Variants in SCOC observed in about 807,000 individuals in gnomAD.
SCOC encodes short coiled coil protein.
In SCOC, 7 loss-of-function variants were observed where a neutral mutation model predicts 9.9. That is an observed-to-expected ratio of 0.71 (90% CI 0.40 to 1.33). The LOEUF (loss-of-function observed/expected upper bound fraction) is 1.33. Ranked by LOEUF, SCOC falls within the 40% of genes most tolerant of loss-of-function variation. The pLI, the probability that SCOC is intolerant of heterozygous loss-of-function variation, is 0.01. For synonymous variants in SCOC, 19 were observed against 28.2 expected (o/e 0.67, Z 1.03); for missense variants, 66 against 89.7 (o/e 0.74, Z 1.07).
rs750693214 is a variant in SCOC, at chr4:140,379,562, A to G, written c.23-7A>G. 3.7e-6 allele frequency: 6 copies of G among 1,603,312 alleles called. No individual in the cohort carries two copies. In the South Asian group the frequency reaches 4.4e-5, roughly 12 times the overall value. On this transcript the variant is annotated splice_region_variant and splice_polypyrimidine_tract_variant and intron_variant, in intron 2 of 3. Coordinates refer to ENST00000608372, the MANE Select transcript of SCOC (RefSeq NM_001153484.2). ...ATTAATAGTAAATTTGAACCTTTAT[A>G]TTACAGCAGTTGATGCTGAAAATCA...
At chr4:140,376,216 TAAAG>T (rs904836849) in intron 1 of SCOC, among the ~76,000 whole-genome samples, 1 of 152,220 alleles carries the variant, frequency 6.6e-6, no homozygotes, top group Admixed American at 6.5e-5. Context: ...TACTTTGACA[TAAAG>T]AACTCAGCAA....
At chr4:140,258,635 G>A (rs544994583) in intron 1 of SCOC, among the ~76,000 whole-genome samples, 1 of 152,290 alleles carries the variant, frequency 6.6e-6, no homozygotes, top group East Asian at 1.9e-4. Flanking sequence ...AGCTGAAGAA[G>A]CGCTTTAGAT....
chr4:140,308,146 A>G (rs898484054), intron 1 of SCOC, among the ~76,000 whole-genome samples: 2 of 152,196 alleles, frequency 1.3e-5, no homozygotes, highest in African/African-American at 4.8e-5. Context: ...TATTGCCACA[A>G]TTTGCTGGTT....
At chr4:140,302,379 C>A (rs941551149) in intron 1 of SCOC, among the ~76,000 whole-genome samples, 2 of 152,104 alleles carry the variant, frequency 1.3e-5, no homozygotes, top group Non-Finnish European at 2.9e-5. Flanking sequence ...AGAAGGAGAA[C>A]CTTGTTGCCA....
At chr4:140,366,934 G>C (rs1727827251) in intron 2 of SCOC, 1 of 546,168 alleles carries the variant, frequency 1.8e-6, no homozygotes, top group East Asian at 3.3e-5. Context: ...GACCAGGCGT[G>C]GTGGCTCACG....
chr4:140,330,801 T>C (rs1732796237), intron 1 of SCOC, among the ~76,000 whole-genome samples: 1 of 152,242 alleles, frequency 6.6e-6, no homozygotes, highest in Admixed American at 6.5e-5. Context: ...AAAAACACTT[T>C]ACAGATTCTG....
At chr4:140,305,521 C>A (rs1343382650) in intron 1 of SCOC, among the ~76,000 whole-genome samples, 1 of 152,142 alleles carries the variant, frequency 6.6e-6, no homozygotes, top group Admixed American at 6.5e-5. Context: ...CTGGCAAGAA[C>A]AAACCAACAA....
At chr4:140,275,550 T>G (rs1482272958) in intron 1 of SCOC, among the ~76,000 whole-genome samples, 1 of 152,236 alleles carries the variant, frequency 6.6e-6, no homozygotes, top group African/African-American at 2.4e-5. Flanking sequence ...AAGTAACGTT[T>G]AGTAAGCAGT....
At chr4:140,270,345 T>G (rs1232245983) in intron 1 of SCOC, among the ~76,000 whole-genome samples, 2 of 152,098 alleles carry the variant, frequency 1.3e-5, no homozygotes, top group Non-Finnish European at 2.9e-5. Flanking sequence ...TGATTATTAT[T>G]TTTTTAGAGA....
chr4:140,311,605 C>T (rs1732157973), intron 1 of SCOC, among the ~76,000 whole-genome samples: 1 of 152,152 alleles, frequency 6.6e-6, no homozygotes, highest in African/African-American at 2.4e-5. Context: ...TGCCCTCTTC[C>T]TCCTGGTAAG....
rs1730960554 is a variant in SCOC, at chr4:140,275,569, AT to A, written c.-19+18163del. Among the ~76,000 whole-genome samples, 5 of 152,190 alleles carry A rather than the reference AT, an allele frequency of 3.3e-5. No homozygotes were observed. In the South Asian group the frequency reaches 1.0e-3, roughly 31 times the overall value. On this transcript the variant is annotated intron_variant, in intron 1 of 4. Transcript: ENST00000394205. ...AACGTTTAGTAAGCAGTTGTTGCATATTTTGAAAAATTAGATTATTAACTTC... is the reference window on the plus strand; with the variant it reads ...AACGTTTAGTAAGCAGTTGTTGCATATTTGAAAAATTAGATTATTAACTTC...
intron 2 of SCOC, among the ~76,000 whole-genome samples, chr4:140,362,060 CA>C (rs1462740602): frequency 1.5e-5 from 2 of 133,842 alleles, no homozygotes; most frequent in Non-Finnish European, 3.3e-5. Context: ...TGATTCTGAG[CA>C]CGACACAGAC....
chr4:140,358,653 T>A (rs1477580950), intron 2 of SCOC, among the ~76,000 whole-genome samples: 1 of 152,214 alleles, frequency 6.6e-6, no homozygotes, highest in East Asian at 1.9e-4. Context: ...AAGGTACTAG[T>A]TATACAACAC....
intron 2 of SCOC, among the ~76,000 whole-genome samples, chr4:140,359,804 T>G (rs1359881246): frequency 6.6e-6 from 1 of 152,168 alleles, no homozygotes; most frequent in Admixed American, 6.5e-5. Context: ...GTACTCTCTC[T>G]AAAGACCTGT....
At chr4:140,366,282 T>G in intron 2 of SCOC, 1 of 1,403,156 alleles carries the variant, frequency 7.1e-7, no homozygotes, top group Non-Finnish European at 9.4e-7. Flanking sequence ...GGCTGGAGCT[T>G]TTTGACCCTT....
chr4:140,268,141 G>A (rs1464298133), intron 1 of SCOC, among the ~76,000 whole-genome samples: 1 of 152,190 alleles, frequency 6.6e-6, no homozygotes, highest in African/African-American at 2.4e-5. Flanking sequence ...AGGCATCAGT[G>A]GCACCAGAGA....
At chr4:140,371,148 G>A (rs1728038452), upstream of SCOC, among the ~76,000 whole-genome samples, 1 of 152,146 alleles carries the variant, frequency 6.6e-6, no homozygotes, top group African/African-American at 2.4e-5. Flanking sequence ...ACCTCCCAAA[G>A]TGCTGGGATT....
chr4:140,385,705 AT>A lies in SCOC; in HGVS notation c.*4602del, dbSNP rs1376076229. 1.3e-5 allele frequency: 2 copies of A among 152,234 alleles called. No individual in the cohort carries two copies. The highest frequency in any genetic ancestry group is 2.9e-5 in the Non-Finnish European group (2 of 68,044). 9.4% of individuals were successfully genotyped at this position (152,234 alleles called of 1,614,324 possible). On this transcript the variant is annotated 3_prime_UTR_variant, in exon 4 of 4. Coordinates refer to ENST00000608372, the MANE Select transcript of SCOC (RefSeq NM_001153484.2). ...GTAAAGCCATTCTTTACTTTGCCCAATAAAAATTTTGTTATTCCCTGAACAC... is the reference window on the plus strand; with the variant it reads ...GTAAAGCCATTCTTTACTTTGCCCAAAAAAATTTTGTTATTCCCTGAACAC...
intron 1 of SCOC, among the ~76,000 whole-genome samples, chr4:140,335,260 T>C (rs1444772354): frequency 6.6e-6 from 1 of 152,186 alleles, no homozygotes; most frequent in Non-Finnish European, 1.5e-5. Flanking sequence ...TGGGCATGGA[T>C]CCCAGCTCTG....
Sources: allele counts gnomAD v4.1 joint callset (sites outside exome capture counted in the v4.1 genomes callset), GRCh38; gene constraint gnomAD v4.1.1; transcripts MANE v1.5; gene names NCBI Gene and HGNC (gene_info 2026-07-23, HGNC 2026-07-21).